The following RIMS1 variants were observed in gnomAD, a reference collection of about 807,000 sequenced individuals.
RIMS1 encodes the protein regulating synaptic membrane exocytosis 1, also known as regulating synaptic membrane exocytosis protein 1.
A neutral mutation model predicts 214.1 loss-of-function variants in RIMS1; 83 were observed. That is an observed-to-expected ratio of 0.39 (90% confidence interval 0.32 to 0.47). The LOEUF (loss-of-function observed/expected upper bound fraction) is 0.47, where lower values mean the gene tolerates loss of function less well. RIMS1 is among the 20% of genes least tolerant of loss of function. RIMS1 has a pLI of 0.99. For missense variants in RIMS1, 2,050 were observed against 2,161.8 expected, an observed-to-expected ratio of 0.95 and a Z score of 1.03; for synonymous variants, 793 against 786.8, an observed-to-expected ratio of 1.01 and a Z score of -0.13.
intron 4 of RIMS1, among the ~76,000 whole-genome samples, chr6:72,151,877 C>A (rs1480722787): frequency 6.6e-6 from 1 of 152,130 alleles, no homozygotes; most frequent in African/African-American, 2.4e-5. Context: ...GGTGTCATAT[C>A]CACTTCTGGT....
intron 28 of RIMS1, among the ~76,000 whole-genome samples, chr6:72,321,707 T>G (rs2096176109): frequency 6.6e-6 from 1 of 152,040 alleles, no homozygotes; most frequent in South Asian, 2.1e-4. Context: ...TACATGAAAT[T>G]TTAATACTAG....
At chr6:72,135,694 T>C (rs145082621) in intron 4 of RIMS1, among the ~76,000 whole-genome samples, 2 of 152,314 alleles carry the variant, frequency 1.3e-5, no homozygotes, top group East Asian at 1.9e-4. Flanking sequence ...TAGGATATTC[T>C]ACAATCAGAG....
rs572906387 is a variant in RIMS1 at position 71,925,410 on chromosome 6, G to A, written c.164+38223G>A. On this transcript the variant is annotated intron_variant, in intron 1 of 33. Transcript: ENST00000521978. ...GAAATCAGGAAATGGTCAGGCATAC[G>A]TTAAGTTAAATGTTATTTTCCTTTT... Among the ~76,000 whole-genome samples the A allele has an allele frequency of 9.8e-5, 15 of 152,288 alleles. No homozygotes were observed. The South Asian group carries it at 2.9e-3, about 29-fold the overall frequency.
chr6:71,977,650 A>G (rs1797487628), intron 2 of RIMS1, among the ~76,000 whole-genome samples: 1 of 152,166 alleles, frequency 6.6e-6, no homozygotes, highest in Non-Finnish European at 1.5e-5. Context: ...TGACATTTAA[A>G]AAGAGACTTG....
chr6:72,215,230 A>G (rs1346011346), intron 6 of RIMS1, among the ~76,000 whole-genome samples: 9 of 152,226 alleles, frequency 5.9e-5, no homozygotes, highest in Admixed American at 5.9e-4. Context: ...ACTTAAGTTC[A>G]GCAAGTATAA....
chr6:71,955,457 G>A (rs954737259), intron 1 of RIMS1, among the ~76,000 whole-genome samples: 6 of 152,176 alleles, frequency 3.9e-5, no homozygotes, highest in Middle Eastern at 3.4e-3. Context: ...ATGAGCCACC[G>A]TGCCCAACTT....
intron 6 of RIMS1, among the ~76,000 whole-genome samples, chr6:72,194,475 T>C (rs2050557783): frequency 2.0e-5 from 3 of 152,152 alleles, no homozygotes; most frequent in African/African-American, 7.2e-5. Context: ...TCACATTTTC[T>C]ATGTATTTAC....
intron 2 of RIMS1, among the ~76,000 whole-genome samples, chr6:71,990,807 G>A (rs2151598800): frequency 6.6e-6 from 1 of 152,124 alleles, no homozygotes; most frequent in African/African-American, 2.4e-5. Flanking sequence ...GGCTGGAGGA[G>A]CAGGCTTAGG....
chr6:72,275,946 C>T (rs1395500113), intron 23 of RIMS1, among the ~76,000 whole-genome samples: 1 of 152,216 alleles, frequency 6.6e-6, no homozygotes, highest in East Asian at 1.9e-4. Flanking sequence ...GTAGCTCACA[C>T]TTGCAATCCC....
intron 9 of RIMS1, among the ~76,000 whole-genome samples, chr6:72,238,364 T>C (rs961483183): frequency 3.9e-5 from 6 of 152,082 alleles, no homozygotes; most frequent in African/African-American, 1.2e-4. Context: ...AAAACACTTA[T>C]TCAGGGGCAG....
intron 16 of RIMS1, among the ~76,000 whole-genome samples, chr6:72,256,287 C>A (rs532098956): frequency 7.0e-4 from 106 of 152,094 alleles, no homozygotes; most frequent in Middle Eastern, 6.8e-3. Flanking sequence ...CTTTGAGTCA[C>A]CAAAATAGTA....
chr6:72,262,886 CAT>C, intron 19 of RIMS1: 2 of 554,376 alleles, frequency 3.6e-6, no homozygotes, highest in Non-Finnish European at 4.6e-6. Context: ...AGGAAAATAA[CAT>C]TTATTTAATA....
At chr6:72,027,352 C>T (rs2151982004) in intron 2 of RIMS1, among the ~76,000 whole-genome samples, 1 of 152,190 alleles carries the variant, frequency 6.6e-6, no homozygotes, top group Middle Eastern at 3.4e-3. Flanking sequence ...GAAGGGGCAA[C>T]CACTAGAATG....
chr6:72,230,839 A>C (rs563585494), intron 6 of RIMS1, among the ~76,000 whole-genome samples: 119 of 151,762 alleles, frequency 7.8e-4, no homozygotes, highest in African/African-American at 2.5e-3. Flanking sequence ...TCAAAATTAT[A>C]ACACTTCATT....
At chr6:72,080,182 G>A (rs989105615) in intron 2 of RIMS1, among the ~76,000 whole-genome samples, 4 of 149,976 alleles carry the variant, frequency 2.7e-5, no homozygotes, top group African/African-American at 9.8e-5. Context: ...GAGAATCGCT[G>A]GAACCCGGGA....
intron 6 of RIMS1, among the ~76,000 whole-genome samples, chr6:72,229,277 G>A (rs1345581493): frequency 1.3e-5 from 2 of 151,728 alleles, no homozygotes; most frequent in Admixed American, 1.3e-4. Flanking sequence ...GAAAGTATTT[G>A]AGGACCAGTA....
intron 28 of RIMS1, among the ~76,000 whole-genome samples, chr6:72,332,954 T>G (rs2096722103): frequency 6.6e-6 from 1 of 151,764 alleles, no homozygotes; most frequent in Non-Finnish European, 1.5e-5. Context: ...TGTGAGGCAC[T>G]GAAAGAAGGA....
At chr6:71,920,801 T>C (rs1779747101) in intron 1 of RIMS1, among the ~76,000 whole-genome samples, 1 of 152,182 alleles carries the variant, frequency 6.6e-6, no homozygotes, top group Admixed American at 6.5e-5. Context: ...TGGTCTTTCC[T>C]TACAAAAAAT....
At position 72,255,760 on chromosome 6, in the gene RIMS1, G is replaced by A. The variant is rs934706319; in HGVS notation, c.2771-2365G>A. ...ACCATAAAATAGTTTCATCCCAGCCGGGCACGGTGGCTCACGCCTGTAATC... is the reference window on the plus strand; with the variant it reads ...ACCATAAAATAGTTTCATCCCAGCCAGGCACGGTGGCTCACGCCTGTAATC... On this transcript the variant is annotated intron_variant, in intron 16 of 33. Coordinates refer to ENST00000521978, the MANE Select transcript of RIMS1 (RefSeq NM_014989.7). Among the ~76,000 whole-genome samples, 8 of 152,090 alleles carry A rather than the reference G, an allele frequency of 5.3e-5. No individual in the cohort carries two copies. In the South Asian group the frequency reaches 6.2e-4, roughly 12 times the overall value.
Sources: allele counts gnomAD v4.1 joint callset (sites outside exome capture counted in the v4.1 genomes callset), GRCh38; gene constraint gnomAD v4.1.1; transcripts MANE v1.5; gene names NCBI Gene and HGNC (gene_info 2026-07-23, HGNC 2026-07-21).